The following RBM45 variants were observed in gnomAD, a reference collection of about 807,000 sequenced individuals.
RBM45 encodes the protein RNA binding motif protein 45.
RBM45 carries 39 observed loss-of-function variants against 58.5 expected under a neutral mutation model. The observed-to-expected ratio is 0.67, with a 90% CI of 0.52 to 0.87. The LOEUF (loss-of-function observed/expected upper bound fraction) is 0.87. RBM45 is among the 40% of genes least tolerant of loss of function. RBM45 has a pLI of 0.00. For missense variants in RBM45, 481 were observed against 581.6 expected, an observed-to-expected ratio of 0.83 and a Z score of 1.78; for synonymous variants, 193 against 203.0, an observed-to-expected ratio of 0.95 and a Z score of 0.42.
In RBM45 at chr2:178,136,289, G is replaced by A. The variant is rs1027413010; in HGVS notation, c.*9-174G>A. On this transcript the variant is annotated intron_variant, in intron 3 of 3. Coordinates refer to the RBM45 transcript ENST00000455903. ...CACGCCACTGCACTCCAGCCTGAGC[G>A]ACAGAGCGAGACTCCGTCTCAAACA... 4.6e-5 allele frequency among the ~76,000 whole-genome samples: 7 copies of A among 152,326 alleles called. 1 individual carries two copies. Among genetic ancestry groups the A allele is most frequent in the Admixed American group, 1.3e-4 (2 of 15,304 alleles).
At chr2:178,128,782 C>T (rs934536487) in intron 9 of RBM45, among the ~76,000 whole-genome samples, 1 of 152,052 alleles carries the variant, frequency 6.6e-6, no homozygotes, top group African/African-American at 2.4e-5. Context: ...ATTTTTGCTG[C>T]GGATCTCCTA....
At chr2:178,126,668 T>C (rs2087933626) in intron 9 of RBM45, among the ~76,000 whole-genome samples, 1 of 152,192 alleles carries the variant, frequency 6.6e-6, no homozygotes, top group Non-Finnish European at 1.5e-5. Context: ...TTTTGGACCT[T>C]TTGAACCTAA....
At chr2:178,136,668 G>A (rs982859202) in exon 4 of RBM45, 3 of 152,220 alleles carry the variant, frequency 2.0e-5, no homozygotes, top group African/African-American at 4.8e-5. Context: ...TTGGGGTCGG[G>A]GGGGTGCGGA....
At chr2:178,114,436 C>T (rs1259762490) in intron 1 of RBM45, among the ~76,000 whole-genome samples, 1 of 152,148 alleles carries the variant, frequency 6.6e-6, no homozygotes, top group Non-Finnish European at 1.5e-5. Flanking sequence ...GGCCCAACAC[C>T]GAAATGTACC....
intron 1 of RBM45, among the ~76,000 whole-genome samples, chr2:178,114,817 A>C (rs1441480348): frequency 6.6e-6 from 1 of 152,040 alleles, no homozygotes; most frequent in East Asian, 1.9e-4. Flanking sequence ...AGCAGGTCTC[A>C]AGCTCCTGGA....
intron 5 of RBM45, 67 bp from the exon 6 acceptor site, chr2:178,123,455 A>T: frequency 6.8e-7 from 1 of 1,470,446 alleles, no homozygotes; most frequent in Non-Finnish European, 9.0e-7. Context: ...TTTGTGATAG[A>T]TTGTAACATA....
chr2:178,118,279 G>A, intron 3 of RBM45, 98 bp downstream of exon 3: 2 of 1,183,994 alleles, frequency 1.7e-6, no homozygotes, highest in South Asian at 1.9e-5. Context: ...AACTGTATCT[G>A]CTAATGTAAT....
At chr2:178,128,200 G>T (rs991127516) in intron 9 of RBM45, among the ~76,000 whole-genome samples, 3 of 151,566 alleles carry the variant, frequency 2.0e-5, no homozygotes, top group Non-Finnish European at 4.4e-5. Context: ...GGGTTTTGCC[G>T]TGTTGCCCAG....
At chr2:178,134,300 G>A (rs2088027945), downstream of RBM45, among the ~76,000 whole-genome samples, 1 of 152,174 alleles carries the variant, frequency 6.6e-6, no homozygotes, top group Non-Finnish European at 1.5e-5. Flanking sequence ...CTCAAGAACT[G>A]TGTGAAAAGG....
At chr2:178,131,742 A>G (rs756776460), downstream of RBM45, among the ~76,000 whole-genome samples, 2 of 152,218 alleles carry the variant, frequency 1.3e-5, no homozygotes, top group South Asian at 4.1e-4. Context: ...TCAGTAAACA[A>G]TGCTTACTTC....
rs1189107349 is a variant in RBM45 at position 178,120,405 on chromosome 2, A to G, written c.669A>G (p.Pro223=). ...ATGAACCTAGAGTAAATATGTTTCC[A>G]TTTGGTAAGTAGGCAACCTTTACTT... The part of the protein sequence containing the change: ...LGHEPRVNMF[P]FEQQSEFSSF... The change falls in exon 4 of 10, where the codon CCA becomes CCG. Residue 223 remains proline, a synonymous_variant. Coordinates refer to ENST00000286070, the MANE Select transcript of RBM45 (RefSeq NM_152945.4). 10 of 1,609,012 alleles carry G rather than the reference A, an allele frequency of 6.2e-6. No individual in the cohort carries two copies. Among genetic ancestry groups the G allele is most frequent in the East Asian group, 2.2e-5 (1 of 44,766 alleles).
chr2:178,120,215 C>CCTT, intron 3 of RBM45, 72 bp from the exon 4 acceptor site: 1 of 1,573,382 alleles, frequency 6.4e-7, no homozygotes, highest in South Asian at 1.1e-5. Flanking sequence ...CTGAGTCAGG[C>CCTT]ACTAGCAATC....
rs866142944 is a variant in RBM45 at position 178,121,208 on chromosome 2, C to A, written c.702C>A (p.Asp234Glu). Residue 234 changes from aspartate (D) to glutamate (E), a missense_variant, in exon 5 of 10, where the codon GAC becomes GAA. Transcript: ENST00000286070. ...FEQQSEFSSF[D>E]KNDSRGQEAI... ...AACAATCTGAATTTTCAAGTTTTGA[C>A]AAGAATGATAGCCGAGGCCAGGAAG... 1 of 1,567,052 alleles carries A rather than the reference C, an allele frequency of 6.4e-7. No homozygotes were observed.
chr2:178,119,422 A>T (rs543514317), intron 3 of RBM45, among the ~76,000 whole-genome samples: 1 of 152,348 alleles, frequency 6.6e-6, no homozygotes, highest in East Asian at 1.9e-4. Flanking sequence ...CTGTGAAGGC[A>T]GCTGTCTGAG....
chr2:178,116,365 A>G lies in RBM45; in HGVS notation c.404A>G (p.Asp135Gly). ...ATACCAAAGTCCTACACAGAAGAAG[A>G]TCTGCGGGAAAAATTTAAGGTATTT... ...VMIPKSYTEE[D>G]LREKFKVYGD... The change falls in exon 2 of 10, where the codon GAT (aspartate) becomes GGT (glycine). Residue 135 changes from aspartate (D) to glycine (G), a missense_variant. Physicochemically the swap from Asp to Gly is moderately conservative, Grantham distance 94. Transcript: ENST00000286070. 1.2e-6 allele frequency: 2 copies of G among 1,604,878 alleles called. No homozygotes were observed. The highest frequency in any genetic ancestry group is 1.1e-5 in the South Asian group (1 of 89,184).
chr2:178,124,886 C>T (rs2087907197), intron 8 of RBM45, among the ~76,000 whole-genome samples: 2 of 151,850 alleles, frequency 1.3e-5, no homozygotes, highest in Admixed American at 1.3e-4. Flanking sequence ...GTTATGCAGT[C>T]GCATTGTGTA....
exon 4 of RBM45, chr2:178,136,641 A>G (rs1000739815): frequency 2.6e-5 from 4 of 152,112 alleles, no homozygotes; most frequent in African/African-American, 9.7e-5. Flanking sequence ...GATTTAGAAT[A>G]CTTATGTAGA....
Position 178,126,118 on chromosome 2 carries a change from A to G in RBM45, c.1367A>G (p.Lys456Arg). Residue 456 changes from lysine to arginine, a missense_variant, in exon 9 of 10, where the codon AAA becomes AGA. Lys to Arg is a conservative substitution (Grantham distance 26, BLOSUM62 2). Coordinates refer to ENST00000286070, the MANE Select transcript of RBM45 (RefSeq NM_152945.4). ...AAGATTCTGAATGGGGTGAGACTTAAAGTTATGCTGGCAGATTCGCCAAGA... is the reference window on the plus strand; with the variant it reads ...AAGATTCTGAATGGGGTGAGACTTAGAGTTATGCTGGCAGATTCGCCAAGA... Reference protein sequence around the residue: ...HGKILNGVRLKVMLADSPREE... With the variant: ...HGKILNGVRLRVMLADSPREE... 6.2e-7 allele frequency: 1 copy of G among 1,614,084 alleles called. No individual in the cohort carries two copies. The highest frequency in any genetic ancestry group is 8.5e-7 in the Non-Finnish European group (1 of 1,179,946).
chr2:178,126,011 C>T lies in RBM45; in HGVS notation c.1260C>T (p.Tyr420=), dbSNP rs2087924319. ...GTTTTGGTAACCTGATCGAAGTTTA[C>T]CTTGTGTCAGGAAAAAATGTGGGGT... The part of the protein sequence containing the change: ...FCRFGNLIEV[Y]LVSGKNVGYA... The change falls in exon 9 of 10, where the codon TAC becomes TAT. Residue 420 remains tyrosine, a synonymous_variant. Coordinates refer to ENST00000286070, the MANE Select transcript of RBM45 (RefSeq NM_152945.4). 6.2e-7 allele frequency: 1 copy of T among 1,613,452 alleles called. No individual in the cohort carries two copies. Among genetic ancestry groups the T allele is most frequent in the Non-Finnish European group, 8.5e-7 (1 of 1,179,766 alleles).
Sources: allele counts gnomAD v4.1 joint callset (sites outside exome capture counted in the v4.1 genomes callset), GRCh38; gene constraint gnomAD v4.1.1; transcripts MANE v1.5; gene names NCBI Gene and HGNC (gene_info 2026-07-23, HGNC 2026-07-21).